Variants in TBCD observed in about 807,000 individuals in gnomAD.
TBCD encodes tubulin-specific chaperone D.
In TBCD, 105 loss-of-function variants were observed where a neutral mutation model predicts 169.3. The ratio of observed to expected loss-of-function variants is 0.62; its 90% CI spans 0.53 to 0.73. The LOEUF is 0.73. TBCD is among the 30% of genes least tolerant of loss of function. The pLI, the probability that TBCD is intolerant of heterozygous loss-of-function variation, is 0.00. For synonymous variants in TBCD, 700 were observed against 643.9 expected, an observed-to-expected ratio of 1.09 and a Z score of -1.32; for missense variants, 1,444 against 1,600.1, an observed-to-expected ratio of 0.90 and a Z score of 1.66.
At chr17:82,935,609 C>T (rs553544236) in intron 34 of TBCD, among the ~76,000 whole-genome samples, 4 of 152,248 alleles carry the variant, frequency 2.6e-5, no homozygotes, top group East Asian at 3.9e-4. Flanking sequence ...AATGACACCA[C>T]GTATTCTTAG....
At chr17:82,769,402 T>C (rs2048189137) in intron 5 of TBCD, among the ~76,000 whole-genome samples, 1 of 152,128 alleles carries the variant, frequency 6.6e-6, no homozygotes, top group Non-Finnish European at 1.5e-5. Context: ...AGTCACCGAG[T>C]CCAGCCTACG....
chr17:82,903,493 C>T lies in TBCD; in HGVS notation c.1804+15C>T, dbSNP rs367610641. 2.2e-5 allele frequency: 35 copies of T among 1,582,524 alleles called. 1 individual carries two copies. The highest frequency in any genetic ancestry group is 2.6e-5 in the Non-Finnish European group (30 of 1,164,252). On this transcript the variant is annotated intron_variant, in intron 19 of 38. Coordinates refer to ENST00000355528, the MANE Select transcript of TBCD (RefSeq NM_005993.5). This position sits in a 1 kb window ranked among gnomAD's most constrained non-coding sequence, Gnocchi z 4.8. Reference sequence around the variant, plus strand: ...CGCCACGCAAGGTGGGTGTGTGTCCCGGCCGGCCTGCGGGCACCATGCATG... The same window carrying T: ...CGCCACGCAAGGTGGGTGTGTGTCCTGGCCGGCCTGCGGGCACCATGCATG...
chr17:82,829,790 C>G (rs2053310593), intron 13 of TBCD: 2 of 256,822 alleles, frequency 7.8e-6, no homozygotes, highest in East Asian at 1.7e-4. Flanking sequence ...AAATATGCAG[C>G]TAGAGCTAAT....
In TBCD at chr17:82,915,634, G is replaced by T. The variant is rs1174833938; in HGVS notation, c.2038+3845G>T. On this transcript the variant is annotated intron_variant, in intron 23 of 38. Coordinates refer to ENST00000355528, the MANE Select transcript of TBCD (RefSeq NM_005993.5). This position sits in a 1 kb window ranked among gnomAD's most constrained non-coding sequence, Gnocchi z 4.3. ...CTCTTGAAACAATCCCCAAGTTTCA[G>T]TGTCTTAAAACCACAGGTGTTTTTT... Among the ~76,000 whole-genome samples, 1 of 152,244 alleles carries T rather than the reference G, an allele frequency of 6.6e-6. No individual in the cohort carries two copies. The highest frequency in any genetic ancestry group is 1.5e-5 in the Non-Finnish European group (1 of 68,046).
chr17:82,782,396 G>T lies in TBCD; in HGVS notation c.771+675G>T, dbSNP rs549744243. On this transcript the variant is annotated intron_variant, in intron 7 of 38. Coordinates refer to ENST00000355528, the MANE Select transcript of TBCD (RefSeq NM_005993.5). This position sits in a 1 kb window ranked among gnomAD's most constrained non-coding sequence, Gnocchi z 5.1. Reference sequence around the variant, plus strand: ...TGGCCTTTGGCGTGGTGGGTTCAGCGCCTTCTTCTCTCTTTAATTACAGCG... The same window carrying T: ...TGGCCTTTGGCGTGGTGGGTTCAGCTCCTTCTTCTCTCTTTAATTACAGCG... Among the ~76,000 whole-genome samples the T allele has an allele frequency of 1.3e-5, 2 of 152,202 alleles. No homozygotes were observed. The highest frequency in any genetic ancestry group is 2.9e-5 in the Non-Finnish European group (2 of 68,000).
Position 82,889,706 on chromosome 17 carries a change from G to T in TBCD, c.1563+9G>T. On this transcript the variant is annotated intron_variant, in intron 16 of 38. Coordinates refer to ENST00000355528, the MANE Select transcript of TBCD (RefSeq NM_005993.5). This position sits in a 1 kb window ranked among gnomAD's most constrained non-coding sequence, Gnocchi z 5.3. ...AGAATGTGGGGAGACAGGTATGGCTGCTTTCAAACACCTTTATTCCAAAAA... is the reference window on the plus strand; with the variant it reads ...AGAATGTGGGGAGACAGGTATGGCTTCTTTCAAACACCTTTATTCCAAAAA... 14 of 1,613,272 alleles carry T rather than the reference G, an allele frequency of 8.7e-6. No homozygotes were observed. The highest frequency in any genetic ancestry group is 1.1e-5 in the Non-Finnish European group (13 of 1,179,696).
chr17:82,861,336 AGCC>A (rs1239518657), intron 13 of TBCD, among the ~76,000 whole-genome samples: 5 of 6,876 alleles, frequency 7.3e-4, no homozygotes, highest in South Asian at 5.5e-3. Flanking sequence ...ACCTCACGTC[AGCC>A]GCTGGTTCAC....
chr17:82,867,593 T>G (rs1341417103), intron 13 of TBCD, among the ~76,000 whole-genome samples: 2 of 152,192 alleles, frequency 1.3e-5, no homozygotes, highest in Non-Finnish European at 2.9e-5. Context: ...GAGTGGACTT[T>G]CCGGGGCAAA....
chr17:82,791,183 C>T (rs868650513), intron 7 of TBCD, among the ~76,000 whole-genome samples: 21 of 151,252 alleles, frequency 1.4e-4, no homozygotes, highest in African/African-American at 5.1e-4. Context: ...GCTCCGCCTC[C>T]CGGGTTCACG....
intron 36 of TBCD, among the ~76,000 whole-genome samples, chr17:82,938,758 C>T (rs191391016): frequency 1.4e-5 from 2 of 143,350 alleles, no homozygotes; most frequent in Admixed American, 1.4e-4. Flanking sequence ...GGCGAGATTG[C>T]TTCCCTGATG....
Position 82,752,241 on chromosome 17 carries a change from G to T in TBCD, c.48G>T (p.Ala16=). The stretch of plus-strand genomic sequence containing the variant: ...CCGCGGGCGGCCCCGAGGAGGAGGC[G>T]GAGGACGAGACACTGGCCTTTGGCG... The part of the protein sequence containing the change: ...EPAAGGPEEE[A]EDETLAFGAA... Residue 16 remains alanine (A), a synonymous_variant, in exon 1 of 39, where the codon GCG becomes GCT. Transcript: ENST00000355528. The T allele has an allele frequency of 6.6e-7, 1 of 1,526,298 alleles. No homozygotes were observed. Among genetic ancestry groups the T allele is most frequent in the Non-Finnish European group, 8.8e-7 (1 of 1,140,398 alleles). The allele number at this position is 1,526,298 out of a possible 1,614,324, so 94.5% of individuals were successfully genotyped here.
In TBCD at chr17:82,930,371, C is replaced by T. The variant is rs1040634295; in HGVS notation, c.2992-151C>T. ...TGCACTGTGAGTGGCTCCGTGCTGG[C>T]GTCCGCACCAGCCGCTTGGGGCCAG... On this transcript the variant is annotated intron_variant, in intron 32 of 38. Transcript: ENST00000355528. The surrounding 1 kb of genome is among the most constrained non-coding windows in gnomAD (Gnocchi z 5.2). 198 of 1,155,976 alleles carry T rather than the reference C, an allele frequency of 1.7e-4. 1 individual carries two copies. The highest frequency in any genetic ancestry group is 3.3e-4 in the Admixed American group (12 of 36,362). The allele number at this position is 1,155,976 out of a possible 1,614,324, so 71.6% of individuals were successfully genotyped here.
chr17:82,838,845 A>ACGCTCACCACTTTACAGTCGC, intron 13 of TBCD: 1 of 985,408 alleles, frequency 1.0e-6, no homozygotes, highest in Non-Finnish European at 1.2e-6. Context: ...TCGTAAACAA[A>ACGCTCACCACTTTACAGTCGC]CGCTCACCAC....
At chr17:82,929,689 G>A (rs2062042621) in intron 32 of TBCD, 189 bp downstream of exon 32, 1 of 800,672 alleles carries the variant, frequency 1.2e-6, no homozygotes, top group African/African-American at 1.7e-5. Flanking sequence ...GGGCCTGTGG[G>A]ATGGTTGAGT....
chr17:82,868,688 TA>T (rs1347930475), intron 13 of TBCD, among the ~76,000 whole-genome samples: 1 of 152,248 alleles, frequency 6.6e-6, no homozygotes, highest in Non-Finnish European at 1.5e-5. Context: ...GAAATTTGCA[TA>T]TAATATTCGT....
chr17:82,800,215 C>A (rs760987476), intron 8 of TBCD, among the ~76,000 whole-genome samples: 12 of 152,200 alleles, frequency 7.9e-5, no homozygotes, highest in African/African-American at 2.9e-4. Flanking sequence ...TTGTCTGTCC[C>A]GGGAATGCTG....
At chr17:82,887,164 T>TGCGCGCGCGCGCGCGC (rs1555632294) in intron 15 of TBCD, among the ~76,000 whole-genome samples, 3 of 104,456 alleles carry the variant, frequency 2.9e-5, no homozygotes, top group Non-Finnish European at 5.8e-5. Flanking sequence ...TGTGTGTGTG[T>TGCGCGCGCGCGCGCGC]GTGTGCGCGC....
At chr17:82,895,074 C>G (rs1031336604) in intron 17 of TBCD, among the ~76,000 whole-genome samples, 1 of 152,248 alleles carries the variant, frequency 6.6e-6, no homozygotes, top group Non-Finnish European at 1.5e-5. Context: ...GCTGAGGTTT[C>G]TAAGCCAGCC....
chr17:82,763,558 T>G (rs964406513), intron 2 of TBCD, among the ~76,000 whole-genome samples: 1 of 151,968 alleles, frequency 6.6e-6, no homozygotes, highest in South Asian at 2.1e-4. Flanking sequence ...CTGGCCAACA[T>G]GGTGAAACCC....
Sources: gnomAD v4.1 joint callset for allele counts (sites outside exome capture counted in the v4.1 genomes callset) on GRCh38, gnomAD v4.1.1 for gene constraint, Gnocchi (gnomAD v3.1) non-coding constraint, MANE v1.5 for transcripts, NCBI Gene and HGNC (gene_info 2026-07-23, HGNC 2026-07-21) for gene names.